The following FBXO28 variants were observed in gnomAD, a reference collection of about 807,000 sequenced individuals.
FBXO28 encodes F-box protein 28.
A neutral mutation model predicts 38.1 loss-of-function variants in FBXO28; 8 were observed. The observed-to-expected ratio is 0.21, with a 90% CI of 0.12 to 0.38. FBXO28 has a LOEUF of 0.38. Among genes scored for constraint, FBXO28 ranks in the 10% least tolerant of loss-of-function variants. The pLI is 1.00. For synonymous variants in FBXO28, 168 were observed against 173.8 expected (o/e 0.97, Z 0.26); for missense variants, 345 against 460.6 (o/e 0.75, Z 2.30).
rs994833883 is a variant in FBXO28 at position 224,138,550 on chromosome 1, A to G, written c.516+4338A>G. Among the ~76,000 whole-genome samples the G allele has an allele frequency of 4.6e-5, 7 of 151,782 alleles. 1 individual carries two copies. Among genetic ancestry groups the G allele is most frequent in the African/African-American group, 7.3e-5 (3 of 41,098 alleles). On this transcript the variant is annotated intron_variant, in intron 3 of 4. Transcript: ENST00000366862. The stretch of plus-strand genomic sequence containing the variant: ...TTATAGAATGTTGGCTTACTCCTGT[A>G]TACATTTCTCAAATCTTCTATCTAA...
intron 4 of FBXO28, among the ~76,000 whole-genome samples, chr1:224,154,638 C>G (rs1657726892): frequency 1.3e-5 from 2 of 150,314 alleles, no homozygotes; most frequent in South Asian, 4.2e-4. Flanking sequence ...GAAACCCCGT[C>G]TCTACTAAAA....
At chr1:224,118,264 A>G (rs10799478) in intron 1 of FBXO28, among the ~76,000 whole-genome samples, 2,778 of 150,254 alleles carry the variant, frequency 0.018, 92 homozygotes, top group African/African-American at 0.061. Flanking sequence ...AGGGTAAAAA[A>G]TTTTTTTTCT....
intron 2 of FBXO28, among the ~76,000 whole-genome samples, chr1:224,133,469 AT>A (rs1657101862): frequency 6.6e-6 from 1 of 152,018 alleles, no homozygotes; most frequent in South Asian, 2.1e-4. Context: ...CATTTATCTA[AT>A]TTCTTTGGTT....
intron 3 of FBXO28, among the ~76,000 whole-genome samples, chr1:224,143,644 A>G (rs1008667124): frequency 1.3e-5 from 2 of 151,894 alleles, no homozygotes; most frequent in African/African-American, 4.8e-5. Flanking sequence ...CTAACACGGT[A>G]AAACCCCATT....
chr1:224,144,350 A>G (rs1657446488), intron 3 of FBXO28, among the ~76,000 whole-genome samples: 2 of 152,036 alleles, frequency 1.3e-5, no homozygotes, highest in South Asian at 2.1e-4. Flanking sequence ...GGTCACAGCT[A>G]CACAGGAGAC....
At chr1:224,114,551 G>C (rs1656598915) in intron 1 of FBXO28, among the ~76,000 whole-genome samples, 155 bp downstream of exon 1, 1 of 115,656 alleles carries the variant, frequency 8.6e-6, no homozygotes, top group Admixed American at 9.4e-5. Flanking sequence ...CTCCCTTGGC[G>C]TCAGTCAGCA....
chr1:224,117,985 T>TTTAA (rs142354323), intron 1 of FBXO28, among the ~76,000 whole-genome samples: 6 of 100,152 alleles, frequency 6.0e-5, no homozygotes, highest in Admixed American at 8.8e-5. Flanking sequence ...TAGGGAGCTT[T>TTTAA]TTAATTAATT....
At chr1:224,156,533 T>C (rs1031434120) in intron 4 of FBXO28, among the ~76,000 whole-genome samples, 9 of 152,208 alleles carry the variant, frequency 5.9e-5, no homozygotes, top group Non-Finnish European at 7.3e-5. Flanking sequence ...CACAATCTCT[T>C]ATCCGCATAC....
Position 224,159,829 on chromosome 1 carries a change from C to T in FBXO28, c.*2083C>T, listed in dbSNP as rs1188118905. 3.9e-5 allele frequency: 6 copies of T among 152,142 alleles called. No individual in the cohort carries two copies. Among genetic ancestry groups the T allele is most frequent in the Admixed American group, 3.9e-4 (6 of 15,254 alleles). 9.4% of individuals were successfully genotyped at this position (152,142 alleles called of 1,614,324 possible). A position where few individuals can be genotyped will look rare whatever the true frequency, so the allele number is the denominator to read the frequency against. On this transcript the variant is annotated 3_prime_UTR_variant, in exon 5 of 5. Coordinates refer to ENST00000366862, the MANE Select transcript of FBXO28 (RefSeq NM_015176.4). ...GTCATTCATGAACTATTAAAAATTT[C>T]CTGAATTTCTTTTTAAACTACATCT...
chr1:224,120,732 G>A (rs777568573), intron 1 of FBXO28, among the ~76,000 whole-genome samples: 7 of 151,828 alleles, frequency 4.6e-5, no homozygotes, highest in Non-Finnish European at 7.4e-5. Context: ...GCATGGTGGC[G>A]GGCACTTGTA....
intron 4 of FBXO28, among the ~76,000 whole-genome samples, chr1:224,156,457 C>A (rs553083408): frequency 2.2e-4 from 34 of 152,148 alleles, no homozygotes; most frequent in Non-Finnish European, 4.0e-4. Flanking sequence ...TTTCTTAGGA[C>A]CAGAAGTGTT....
At chr1:224,146,402 G>A (rs1401345067) in intron 3 of FBXO28, among the ~76,000 whole-genome samples, 1 of 152,018 alleles carries the variant, frequency 6.6e-6, no homozygotes, top group Non-Finnish European at 1.5e-5. Flanking sequence ...GCATTTATGA[G>A]GTTCAGTATT....
At chr1:224,115,371 T>C (rs1483158095) in intron 1 of FBXO28, among the ~76,000 whole-genome samples, 3 of 152,178 alleles carry the variant, frequency 2.0e-5, no homozygotes, top group Non-Finnish European at 4.4e-5. Flanking sequence ...GCTAAATCTG[T>C]GCTGGGAATT....
At chr1:224,122,892 G>A (rs1053960265) in intron 1 of FBXO28, among the ~76,000 whole-genome samples, 5 of 152,132 alleles carry the variant, frequency 3.3e-5, no homozygotes, top group Non-Finnish European at 5.9e-5. Flanking sequence ...TAACAGCAGA[G>A]TATCAGTTGG....
Position 224,157,343 on chromosome 1 carries a change from C to T in FBXO28, c.713-9C>T, listed in dbSNP as rs1391786984. 3 of 1,578,678 alleles carry T rather than the reference C, an allele frequency of 1.9e-6. No individual in the cohort carries two copies. Among genetic ancestry groups the T allele is most frequent in the South Asian group, 2.3e-5 (2 of 86,202 alleles). ...AAGTGACTGACCCTTTTGAATTATT[C>T]CTCCACAGTTCCAGGACCGTCTGCA... On this transcript the variant is annotated splice_polypyrimidine_tract_variant and intron_variant, in intron 4 of 4. Transcript: ENST00000366862.
At chr1:224,115,250 T>G (rs889362515) in intron 1 of FBXO28, among the ~76,000 whole-genome samples, 4 of 152,248 alleles carry the variant, frequency 2.6e-5, no homozygotes, top group Non-Finnish European at 2.9e-5. Flanking sequence ...ATGTGGTGAT[T>G]GTTAGTTCAG....
intron 3 of FBXO28, among the ~76,000 whole-genome samples, chr1:224,152,614 G>C (rs1657673205): frequency 6.6e-6 from 1 of 151,966 alleles, no homozygotes; most frequent in African/African-American, 2.4e-5. Context: ...ATACATAAAA[G>C]GTGCTTAATA....
rs1657894845 is a variant in FBXO28 at position 224,161,020 on chromosome 1, C to G, written c.*3274C>G. 6.6e-6 allele frequency: 1 copy of G among 152,164 alleles called. No individual in the cohort carries two copies. Among genetic ancestry groups the G allele is most frequent in the Non-Finnish European group, 1.5e-5 (1 of 68,030 alleles). 9.4% of individuals were successfully genotyped at this position (152,164 alleles called of 1,614,324 possible). A position where few individuals can be genotyped will look rare whatever the true frequency, so the allele number is the denominator to read the frequency against. Reference sequence around the variant, plus strand: ...TTATGCATTATTTTATATGCCATTTCATAGCCTGCACTTTAATCTCCAAAG... The same window carrying G: ...TTATGCATTATTTTATATGCCATTTGATAGCCTGCACTTTAATCTCCAAAG... On this transcript the variant is annotated 3_prime_UTR_variant, in exon 5 of 5. Coordinates refer to ENST00000366862, the MANE Select transcript of FBXO28 (RefSeq NM_015176.4).
Position 224,118,393 on chromosome 1 carries a change from A to AG in FBXO28, c.267+3997_267+3998insG, listed in dbSNP as rs1415808411. 5.3e-5 allele frequency among the ~76,000 whole-genome samples: 8 copies of AG among 152,326 alleles called. No individual in the cohort carries two copies. In the East Asian group the frequency reaches 1.5e-3, roughly 29 times the overall value. On this transcript the variant is annotated intron_variant, in intron 1 of 4. Coordinates refer to ENST00000366862, the MANE Select transcript of FBXO28 (RefSeq NM_015176.4). ...AAAGATGTTTTAGAGAGATACTATCAATTTTTTTCCTCTGCGATTCAACTG... is the reference window on the plus strand; with the variant it reads ...AAAGATGTTTTAGAGAGATACTATCAGATTTTTTTCCTCTGCGATTCAACTG...
Sources: gnomAD v4.1 joint callset for allele counts (sites outside exome capture counted in the v4.1 genomes callset) on GRCh38, gnomAD v4.1.1 for gene constraint, MANE v1.5 for transcripts, NCBI Gene and HGNC (gene_info 2026-07-23, HGNC 2026-07-21) for gene names.